Variants in DLG2 observed in about 807,000 individuals in gnomAD.
The protein encoded by DLG2 is disks large homolog 2.
Under a neutral mutation model 132.5 loss-of-function variants are expected in DLG2, and 45 were observed. That is an observed-to-expected ratio of 0.34 (90% CI 0.27 to 0.44). The LOEUF is 0.44. DLG2 is among the 20% of genes least tolerant of loss of function. The pLI, the probability that DLG2 is intolerant of heterozygous loss-of-function variation, is 1.00. For synonymous variants in DLG2, 424 were observed against 419.6 expected (o/e 1.01, Z -0.13); for missense variants, 1,045 against 1,196.9 (o/e 0.87, Z 1.87).
At chr11:84,417,512 C>A (rs2098933911) in intron 7 of DLG2, among the ~76,000 whole-genome samples, 1 of 152,236 alleles carries the variant, frequency 6.6e-6, no homozygotes, top group Middle Eastern at 3.4e-3. Context: ...CCTTTCTCCC[C>A]AGTACAATCA....
chr11:85,134,023 A>C (rs1196069549), intron 5 of DLG2, among the ~76,000 whole-genome samples: 1 of 150,854 alleles, frequency 6.6e-6, no homozygotes, highest in Non-Finnish European at 1.5e-5. Context: ...GGGAAGGGAG[A>C]ATGAGGGAGA....
chr11:84,834,649 G>A (rs976523972), intron 6 of DLG2, among the ~76,000 whole-genome samples: 3 of 151,468 alleles, frequency 2.0e-5, no homozygotes, highest in Non-Finnish European at 4.4e-5. Context: ...GACTGAATAT[G>A]GAGTCTTTTT....
chr11:83,975,228 G>T (rs1183276950), intron 12 of DLG2, among the ~76,000 whole-genome samples: 1 of 151,952 alleles, frequency 6.6e-6, no homozygotes, highest in African/African-American at 2.4e-5. Context: ...TTAAAAATCT[G>T]TTATGCTGTT....
chr11:84,759,092 G>A (rs190901281), intron 6 of DLG2, among the ~76,000 whole-genome samples: 1 of 152,054 alleles, frequency 6.6e-6, no homozygotes, highest in Non-Finnish European at 1.5e-5. Context: ...TGTCCAGGCT[G>A]GTCTTGAACT....
chr11:85,382,120 T>C (rs576609879), intron 3 of DLG2, among the ~76,000 whole-genome samples: 37 of 152,210 alleles, frequency 2.4e-4, no homozygotes, highest in African/African-American at 8.9e-4. Flanking sequence ...ACTTCCCTAT[T>C]TCAAAACTTA....
chr11:85,622,741 A>G (rs2081807433), intron 2 of DLG2, among the ~76,000 whole-genome samples: 2 of 152,148 alleles, frequency 1.3e-5, no homozygotes, highest in Admixed American at 6.5e-5. Context: ...AAGGGTGCCT[A>G]TGAGATATAT....
chr11:84,995,668 A>G lies in DLG2; in HGVS notation c.357+115993T>C, dbSNP rs543886861. On this transcript the variant is annotated intron_variant, in intron 6 of 27. Transcript: ENST00000376104. ...CTTGGAACATTTGAGAGATTGTCTTATTCATATTATGGTTAGAAATAATAG... is the reference window on the plus strand; with the variant it reads ...CTTGGAACATTTGAGAGATTGTCTTGTTCATATTATGGTTAGAAATAATAG... Among the ~76,000 whole-genome samples the G allele has an allele frequency of 3.9e-5, 6 of 152,292 alleles. No individual in the cohort carries two copies. The East Asian group carries it at 1.2e-3, about 29-fold the overall frequency.
intron 6 of DLG2, among the ~76,000 whole-genome samples, chr11:84,629,566 A>C (rs980686443): frequency 6.6e-6 from 1 of 152,236 alleles, no homozygotes; most frequent in South Asian, 2.1e-4. Flanking sequence ...AACTTTGAAG[A>C]GTTCAAGTTC....
intron 7 of DLG2, among the ~76,000 whole-genome samples, chr11:84,487,404 A>C (rs1385289693): frequency 6.6e-6 from 1 of 152,154 alleles, no homozygotes; most frequent in Non-Finnish European, 1.5e-5. Flanking sequence ...TTGGCATAAA[A>C]ATCTCAAAAA....
At chr11:84,931,491 A>C (rs1437255475) in intron 6 of DLG2, among the ~76,000 whole-genome samples, 1 of 152,224 alleles carries the variant, frequency 6.6e-6, no homozygotes, top group Non-Finnish European at 1.5e-5. Context: ...TGCAAAGGAC[A>C]TAACAACTGT....
chr11:84,840,462 A>G (rs2080481652), intron 6 of DLG2, among the ~76,000 whole-genome samples: 1 of 152,150 alleles, frequency 6.6e-6, no homozygotes, highest in Non-Finnish European at 1.5e-5. Context: ...AAATAGAAAT[A>G]CCATTTGACT....
chr11:85,345,069 A>T (rs193107722), intron 3 of DLG2, among the ~76,000 whole-genome samples: 17 of 152,230 alleles, frequency 1.1e-4, no homozygotes, highest in Admixed American at 9.8e-4. Flanking sequence ...AATATCTCCC[A>T]TTATGTCAAG....
intron 6 of DLG2, among the ~76,000 whole-genome samples, chr11:84,549,512 G>A (rs1390710632): frequency 2.0e-5 from 3 of 152,160 alleles, no homozygotes; most frequent in East Asian, 3.9e-4. Flanking sequence ...TTCCTCAAGC[G>A]ATGCAAATTC....
chr11:83,948,210 A>C (rs1022631339), intron 14 of DLG2, among the ~76,000 whole-genome samples: 1 of 152,256 alleles, frequency 6.6e-6, no homozygotes, highest in Non-Finnish European at 1.5e-5. Context: ...TCAGTTGATA[A>C]CATTCCCATT....
rs967194908 is a variant in DLG2 at position 85,229,182 on chromosome 11, C to A, written c.186+56038G>T. 2.2e-4 allele frequency among the ~76,000 whole-genome samples: 17 copies of A among 77,744 alleles called. 1 individual carries two copies. The highest frequency in any genetic ancestry group is 6.3e-4 in the African/African-American group (16 of 25,362). 51.0% of individuals were successfully genotyped at this position (77,744 alleles called of 152,430 possible). A position where few individuals can be genotyped will look rare whatever the true frequency, so the allele number is the denominator to read the frequency against. On this transcript the variant is annotated intron_variant, in intron 4 of 27. Transcript: ENST00000376104. ...GTATACATATCCTATAGATCAACAA[C>A]ACAGTATTTTTTTTTTACTTTAAAG...
intron 2 of DLG2, among the ~76,000 whole-genome samples, chr11:85,618,592 T>C (rs58967928): frequency 3.9e-5 from 6 of 151,958 alleles, no homozygotes; most frequent in African/African-American, 1.5e-4. Flanking sequence ...ACAGGAACAA[T>C]AGACACTACG....
intron 6 of DLG2, among the ~76,000 whole-genome samples, chr11:85,014,022 G>A (rs1384578970): frequency 1.3e-5 from 2 of 152,016 alleles, no homozygotes; most frequent in East Asian, 3.9e-4. Context: ...TCAAAATCTG[G>A]ATTCTCCTCA....
At chr11:83,877,558 T>C (rs1270790868) in intron 15 of DLG2, among the ~76,000 whole-genome samples, 1 of 152,188 alleles carries the variant, frequency 6.6e-6, no homozygotes, top group Admixed American at 6.6e-5. Context: ...AATAATATCC[T>C]CTTTAAAGTT....
At chr11:85,221,050 T>A (rs60284674) in intron 4 of DLG2, among the ~76,000 whole-genome samples, 7,082 of 151,574 alleles carry the variant, frequency 0.047, 232 homozygotes, top group East Asian at 0.11. Flanking sequence ...AACTTTCTTT[T>A]TTTTTTTTTT....
Sources: allele counts gnomAD v4.1 joint callset (sites outside exome capture counted in the v4.1 genomes callset), GRCh38; gene constraint gnomAD v4.1.1; transcripts MANE v1.5; gene names NCBI Gene and HGNC (gene_info 2026-07-23, HGNC 2026-07-21).